INTS8: variants seen among roughly 807,000 people sequenced by gnomAD.
The protein encoded by INTS8 is protein kaonashi-1.
Under a neutral mutation model 138.9 loss-of-function variants are expected in INTS8, and 47 were observed. The observed-to-expected ratio is 0.34, with a 90% confidence interval of 0.27 to 0.43. The LOEUF (loss-of-function observed/expected upper bound fraction) is 0.43. Among genes scored for constraint, INTS8 ranks in the 20% least tolerant of loss-of-function variants. The probability of loss-of-function intolerance (pLI) is 1.00; values close to 1 mark genes in which losing one functional copy is unlikely to be tolerated. For synonymous variants in INTS8, 392 were observed against 400.9 expected (o/e 0.98, Z 0.27); for missense variants, 996 against 1,173.0 (o/e 0.85, Z 2.20).
At chr8:94,845,116 G>A (rs376491711) in intron 10 of INTS8, among the ~76,000 whole-genome samples, 35 of 151,936 alleles carry the variant, frequency 2.3e-4, no homozygotes, top group Non-Finnish European at 4.1e-4. Context: ...ATTTTTTTCC[G>A]TTGTAGTGAT....
intron 21 of INTS8, among the ~76,000 whole-genome samples, chr8:94,872,716 G>GA (rs1393697467): frequency 6.6e-6 from 1 of 152,128 alleles, no homozygotes; most frequent in East Asian, 1.9e-4. Context: ...CACTTGATAC[G>GA]AAACTTTCAA....
intron 5 of INTS8, 59 bp downstream of exon 5, chr8:94,829,085 C>A: frequency 2.3e-6 from 3 of 1,296,128 alleles, no homozygotes; most frequent in South Asian, 2.5e-5. Flanking sequence ...AGCAGCAGTT[C>A]CCAACCTTTT....
intron 21 of INTS8, 38 bp downstream of exon 21, chr8:94,872,040 A>G (rs910248410): frequency 5.0e-6 from 5 of 993,540 alleles, no homozygotes; most frequent in Admixed American, 4.1e-5. Context: ...TTTTGTTTTT[A>G]TAGCACTTTT....
intron 16 of INTS8, among the ~76,000 whole-genome samples, chr8:94,863,585 C>T (rs1367202041): frequency 6.6e-6 from 1 of 152,248 alleles, no homozygotes; most frequent in African/African-American, 2.4e-5. Context: ...AGACAATGAA[C>T]TGCTTCAGGG....
chr8:94,832,004 G>A lies in INTS8; in HGVS notation c.583G>A (p.Ala195Thr), dbSNP rs748176236. 2.5e-5 allele frequency: 40 copies of A among 1,595,346 alleles called. No individual in the cohort carries two copies. The highest frequency in any genetic ancestry group is 3.4e-5 in the Non-Finnish European group (40 of 1,173,382). Residue 195 changes from alanine to threonine, a missense_variant, in exon 6 of 27, where the codon GCT (alanine) becomes ACT (threonine). Transcript: ENST00000523731. ...ENILKVLKEQ[A>T]ADSILVLEAA... The stretch of plus-strand genomic sequence containing the variant: ...TTGATTTCTGTAGCTCAAAGAACAA[G>A]CTGCTGATTCTATTTTGGTACTAGA...
At position 94,867,149 on chromosome 8, in the gene INTS8, G is replaced by A. The variant is rs1295992350; in HGVS notation, c.2305G>A (p.Val769Ile). ...GTTTTCTTTCTCATAGGAACCACTCGTTTTGACTATTATTTTATCACTCTT... is the reference window on the plus strand; with the variant it reads ...GTTTTCTTTCTCATAGGAACCACTCATTTTGACTATTATTTTATCACTCTT... The part of the protein sequence containing the change: ...SFIKKLREPL[V>I]LTIILSLFVK... Residue 769 changes from valine (V) to isoleucine (I), a missense_variant, in exon 19 of 27, where the codon GTT becomes ATT. Val to Ile is a conservative substitution (Grantham distance 29, BLOSUM62 3). Coordinates refer to ENST00000523731, the MANE Select transcript of INTS8 (RefSeq NM_017864.4). 3 of 1,608,250 alleles carry A rather than the reference G, an allele frequency of 1.9e-6. No homozygotes were observed. Among genetic ancestry groups the A allele is most frequent in the South Asian group, 1.1e-5 (1 of 89,964 alleles).
At chr8:94,874,961 G>A (rs1302206068) in intron 23 of INTS8, among the ~76,000 whole-genome samples, 1 of 152,166 alleles carries the variant, frequency 6.6e-6, no homozygotes, top group East Asian at 1.9e-4. Context: ...AAAAACAAAT[G>A]TTGGTGAGGA....
intron 5 of INTS8, among the ~76,000 whole-genome samples, chr8:94,830,998 A>G (rs987752337): frequency 6.6e-6 from 1 of 152,086 alleles, no homozygotes; most frequent in African/African-American, 2.4e-5. Flanking sequence ...GGGTTTCACC[A>G]TGTTGGTCAG....
chr8:94,827,309 A>C lies in INTS8; in HGVS notation c.352A>C (p.Ile118Leu). Residue 118 changes from isoleucine (I) to leucine (L), a missense_variant, in exon 3 of 27, where the codon ATC becomes CTC. Ile to Leu is a conservative substitution (Grantham distance 5, BLOSUM62 2). Coordinates refer to ENST00000523731, the MANE Select transcript of INTS8 (RefSeq NM_017864.4). The stretch of plus-strand genomic sequence containing the variant: ...TATGCTACTAAATGAACTACTCTGC[A>C]TCAGTAAAGTTCCTCCTGGGACAAA... Reference protein sequence around the residue: ...LNMLLNELLCISKVPPGTKHV... With the variant: ...LNMLLNELLCLSKVPPGTKHV... 1.2e-6 allele frequency: 2 copies of C among 1,613,280 alleles called. No individual in the cohort carries two copies. Among genetic ancestry groups the C allele is most frequent in the Non-Finnish European group, 1.7e-6 (2 of 1,179,170 alleles).
At chr8:94,854,530 G>A (rs1815675214) in intron 14 of INTS8, among the ~76,000 whole-genome samples, 1 of 152,204 alleles carries the variant, frequency 6.6e-6, no homozygotes, top group Non-Finnish European at 1.5e-5. Flanking sequence ...ATATACTTTT[G>A]TAGTGTATTT....
At chr8:94,873,703 G>A (rs1341786218) in intron 22 of INTS8, 2 of 453,918 alleles carry the variant, frequency 4.4e-6, no homozygotes, top group African/African-American at 2.0e-5. Context: ...AAACTGATTT[G>A]TGTCTGTCTT....
At chr8:94,856,043 A>C (rs985014811) in intron 14 of INTS8, among the ~76,000 whole-genome samples, 11 of 152,214 alleles carry the variant, frequency 7.2e-5, no homozygotes, top group African/African-American at 2.7e-4. Context: ...TAGGGAATGC[A>C]ATACTAGGTC....
chr8:94,841,369 A>G (rs915686573), intron 8 of INTS8, 122 bp from the exon 9 acceptor site: 12 of 522,118 alleles, frequency 2.3e-5, no homozygotes, highest in Non-Finnish European at 4.1e-5. Flanking sequence ...AAAGGTTTTC[A>G]TAGTAAGATA....
chr8:94,829,600 C>A (rs1161295200), intron 5 of INTS8, among the ~76,000 whole-genome samples: 2 of 152,110 alleles, frequency 1.3e-5, no homozygotes, highest in East Asian at 3.9e-4. Context: ...GGTTGGGGAC[C>A]CCTGCCTTTA....
At chr8:94,848,793 A>G (rs762594698) in intron 10 of INTS8, among the ~76,000 whole-genome samples, 2 of 152,182 alleles carry the variant, frequency 1.3e-5, no homozygotes, top group African/African-American at 4.8e-5. Flanking sequence ...GTGTGTGTCA[A>G]CGTAAAAAAT....
chr8:94,835,841 A>C (rs1021712202), intron 6 of INTS8, among the ~76,000 whole-genome samples: 1 of 151,788 alleles, frequency 6.6e-6, no homozygotes, highest in Non-Finnish European at 1.5e-5. Context: ...CTCGTGATCC[A>C]CCCGCCTCGG....
intron 10 of INTS8, among the ~76,000 whole-genome samples, chr8:94,849,104 A>C (rs577434527): frequency 2.6e-5 from 4 of 152,014 alleles, no homozygotes; most frequent in African/African-American, 9.7e-5. Flanking sequence ...TGGTTTTAAA[A>C]ATTTTTTATT....
intron 14 of INTS8, among the ~76,000 whole-genome samples, chr8:94,855,894 A>G (rs1207904791): frequency 6.6e-6 from 1 of 152,244 alleles, no homozygotes; most frequent in East Asian, 1.9e-4. Flanking sequence ...TGCAGGGCAG[A>G]TTATGAGTTT....
At chr8:94,836,983 G>A (rs953337002) in intron 7 of INTS8, among the ~76,000 whole-genome samples, 3 of 152,128 alleles carry the variant, frequency 2.0e-5, no homozygotes, top group Non-Finnish European at 2.9e-5. Flanking sequence ...TGGGCATTTA[G>A]GTTTATTATA....
Sources: gnomAD v4.1 joint callset for allele counts (sites outside exome capture counted in the v4.1 genomes callset) on GRCh38, gnomAD v4.1.1 for gene constraint, MANE v1.5 for transcripts, NCBI Gene and HGNC (gene_info 2026-07-23, HGNC 2026-07-21) for gene names.